The following BDH1 variants were observed in gnomAD, a reference collection of about 807,000 sequenced individuals.
BDH1 encodes D-beta-hydroxybutyrate dehydrogenase, mitochondrial.
A neutral mutation model predicts 33.1 loss-of-function variants in BDH1; 30 were observed. The observed-to-expected ratio is 0.91, with a 90% CI of 0.68 to 1.23. The LOEUF (loss-of-function observed/expected upper bound fraction) is 1.23. Among genes scored for constraint, BDH1 ranks in the 50% most tolerant of loss-of-function variants. The pLI is 0.00. For missense variants in BDH1, 443 were observed against 464.4 expected (o/e 0.95, Z 0.42); for synonymous variants, 190 against 183.6 (o/e 1.03, Z -0.28).
intron 2 of BDH1, among the ~76,000 whole-genome samples, chr3:197,552,577 C>A (rs61064344): frequency 0.05 from 7,589 of 152,222 alleles, 619 homozygotes; most frequent in African/African-American, 0.17. Flanking sequence ...AGCAAGCCAG[C>A]TCCTGCTTCA....
chr3:197,515,640 A>G (rs1444119584), intron 6 of BDH1: 2 of 985,514 alleles, frequency 2.0e-6, no homozygotes, highest in Non-Finnish European at 2.4e-6. Flanking sequence ...TGTTAGATGA[A>G]TGAGTGTCCA....
intron 7 of BDH1, among the ~76,000 whole-genome samples, chr3:197,512,865 C>T (rs149632639): frequency 9.8e-5 from 15 of 152,296 alleles, no homozygotes; most frequent in Middle Eastern, 3.4e-3. Flanking sequence ...AGTGTCTAGC[C>T]ACTGACAGCA....
chr3:197,541,831 G>C (rs1367034314), intron 3 of BDH1, among the ~76,000 whole-genome samples: 1 of 152,168 alleles, frequency 6.6e-6, no homozygotes, highest in Non-Finnish European at 1.5e-5. Flanking sequence ...ATCCCCAGGG[G>C]GTTCCCCTTT....
At chr3:197,571,967 C>T (rs1162478141) in intron 1 of BDH1, among the ~76,000 whole-genome samples, 3 of 152,084 alleles carry the variant, frequency 2.0e-5, no homozygotes, top group Non-Finnish European at 4.4e-5. Flanking sequence ...ACAGGTAGGC[C>T]TCCATAACAA....
rs928876089 is a variant in BDH1 at position 197,525,554 on chromosome 3, T to C, written c.268-2773A>G. Among the ~76,000 whole-genome samples the C allele has an allele frequency of 3.3e-5, 5 of 152,216 alleles. No homozygotes were observed. Among genetic ancestry groups the C allele is most frequent in the African/African-American group, 1.2e-4 (5 of 41,448 alleles). On this transcript the variant is annotated intron_variant, in intron 5 of 7. Coordinates refer to ENST00000392379, the MANE Select transcript of BDH1 (RefSeq NM_203314.3). The surrounding 1 kb of genome is among the most constrained non-coding windows in gnomAD (Gnocchi z 4.9). ...GAGGAAACTAGGGGATTAATCTCAC[T>C]GCCCACGGCTTCAGGCTCCCGAGGA...
chr3:197,519,922 T>C (rs1190689651), intron 6 of BDH1, among the ~76,000 whole-genome samples: 2 of 152,146 alleles, frequency 1.3e-5, no homozygotes, highest in East Asian at 3.9e-4. Flanking sequence ...CCCCGGGCTT[T>C]GGCAGCAACT....
At position 197,568,864 on chromosome 3, in the gene BDH1, T is replaced by G. The variant is rs572979122; in HGVS notation, c.-44+4317A>C. 1.3e-3 allele frequency among the ~76,000 whole-genome samples: 203 copies of G among 152,354 alleles called. 1 individual carries two copies. The highest frequency in any genetic ancestry group is 4.5e-3 in the African/African-American group (187 of 41,588). ...TGATTGAGTCCTTATAATATCTCACTGATTGTGCTATATTCTTAGAGTGGA... is the reference window on the plus strand; with the variant it reads ...TGATTGAGTCCTTATAATATCTCACGGATTGTGCTATATTCTTAGAGTGGA... On this transcript the variant is annotated intron_variant, in intron 1 of 6. Coordinates refer to the BDH1 transcript ENST00000358186.
intron 2 of BDH1, among the ~76,000 whole-genome samples, chr3:197,553,374 CA>C (rs1333954697): frequency 1.2e-4 from 18 of 150,410 alleles, no homozygotes; most frequent in Admixed American, 2.6e-4. Flanking sequence ...ACTAAAAATA[CA>C]AAAATTAGCT....
rs778162142 is a variant in BDH1 at position 197,549,389 on chromosome 3, T to C, written c.-43-2903A>G. Among the ~76,000 whole-genome samples, 74 of 152,342 alleles carry C rather than the reference T, an allele frequency of 4.9e-4. 1 individual carries two copies. Among genetic ancestry groups the C allele is most frequent in the Non-Finnish European group, 9.3e-4 (63 of 68,026 alleles). On this transcript the variant is annotated intron_variant, in intron 2 of 7. Transcript: ENST00000392379. ...CAGCGTGCGCATCCTTCCTCACTGCTGGGCTCACTGTGTTCCATTCCAACA... is the reference window on the plus strand; with the variant it reads ...CAGCGTGCGCATCCTTCCTCACTGCCGGGCTCACTGTGTTCCATTCCAACA...
chr3:197,571,885 G>T (rs1257944238), intron 1 of BDH1, among the ~76,000 whole-genome samples: 1 of 152,188 alleles, frequency 6.6e-6, no homozygotes, highest in African/African-American at 2.4e-5. Flanking sequence ...CAAACAGCAA[G>T]ACCTTGTTTC....
In BDH1 at chr3:197,512,384, T is replaced by C; in HGVS notation, c.563-20A>G. The C allele has an allele frequency of 6.3e-7, 1 of 1,588,878 alleles. No individual in the cohort carries two copies. The highest frequency in any genetic ancestry group is 8.5e-7 in the Non-Finnish European group (1 of 1,171,652). ...CGCGGCCTACAGAGGGAGACAGAGG[T>C]ACCTGCTAAGCCGTTACTGCCCTAT... On this transcript the variant is annotated intron_variant, in intron 7 of 7. Coordinates refer to ENST00000392379, the MANE Select transcript of BDH1 (RefSeq NM_203314.3).
intron 1 of BDH1, among the ~76,000 whole-genome samples, chr3:197,571,475 G>C (rs1323350676): frequency 6.6e-6 from 1 of 152,188 alleles, no homozygotes; most frequent in African/African-American, 2.4e-5. Context: ...TTGTGGAAGG[G>C]ACCCAGTGGG....
At chr3:197,546,831 T>C (rs747178367) in intron 2 of BDH1, among the ~76,000 whole-genome samples, 76 of 152,204 alleles carry the variant, frequency 5.0e-4, no homozygotes, top group Non-Finnish European at 6.6e-4. Context: ...CTCGGGGACC[T>C]AACCCCTCAG....
At chr3:197,532,599 G>A (rs1456483315) in intron 4 of BDH1, 77 bp from the exon 5 acceptor site, 2 of 1,059,008 alleles carry the variant, frequency 1.9e-6, no homozygotes, top group Non-Finnish European at 2.9e-6. Flanking sequence ...CACCCTCTGT[G>A]CAGTGAGAGT....
In BDH1 at chr3:197,525,992, C is replaced by T. The variant is rs550944275; in HGVS notation, c.268-3211G>A. On this transcript the variant is annotated intron_variant, in intron 5 of 7. Transcript: ENST00000392379. This position sits in a 1 kb window ranked among gnomAD's most constrained non-coding sequence, Gnocchi z 4.9. ...AGCTTTTAGTTCCGCTGTGTTGGTG[C>T]GTGTGCAACTGGCTTATTGATAAAC... Among the ~76,000 whole-genome samples, 45 of 152,316 alleles carry T rather than the reference C, an allele frequency of 3.0e-4. No individual in the cohort carries two copies. The highest frequency in any genetic ancestry group is 6.8e-3 in the Middle Eastern group (2 of 292).
At chr3:197,531,821 C>T (rs551346302) in intron 5 of BDH1, among the ~76,000 whole-genome samples, 17 of 152,282 alleles carry the variant, frequency 1.1e-4, no homozygotes, top group Non-Finnish European at 2.1e-4. Context: ...TCTCGGGTCC[C>T]AGTGCTTCCC....
chr3:197,520,242 C>G lies in BDH1; in HGVS notation c.409+2398G>C, dbSNP rs1055725632. Among the ~76,000 whole-genome samples the G allele has an allele frequency of 1.3e-5, 2 of 151,768 alleles. No individual in the cohort carries two copies. The highest frequency in any genetic ancestry group is 4.8e-5 in the African/African-American group (2 of 41,242). The stretch of plus-strand genomic sequence containing the variant: ...GGGGGACACGCCACTGCATATCTGA[C>G]GGATGTACTGTTTTCTTCAGACCTA... On this transcript the variant is annotated intron_variant, in intron 6 of 7. Coordinates refer to ENST00000392379, the MANE Select transcript of BDH1 (RefSeq NM_203314.3). This position sits in a 1 kb window ranked among gnomAD's most constrained non-coding sequence, Gnocchi z 6.0.
rs1299109188 is a variant in BDH1, at chr3:197,523,606, T to C, written c.268-825A>G. 2.6e-5 allele frequency among the ~76,000 whole-genome samples: 4 copies of C among 152,198 alleles called. No individual in the cohort carries two copies. The highest frequency in any genetic ancestry group is 2.0e-4 in the Admixed American group (3 of 15,282). On this transcript the variant is annotated intron_variant, in intron 5 of 7. Transcript: ENST00000392379. The surrounding 1 kb of genome is among the most constrained non-coding windows in gnomAD (Gnocchi z 4.5). ...AAACATTTCTTGGGCCCCTATCGTG[T>C]TCCGGCACTGTGCTAGGAACTGGAG...
In BDH1 at chr3:197,525,518, G is replaced by C. The variant is rs1311725111; in HGVS notation, c.268-2737C>G. Among the ~76,000 whole-genome samples the C allele has an allele frequency of 6.6e-6, 1 of 152,198 alleles. No individual in the cohort carries two copies. The highest frequency in any genetic ancestry group is 1.5e-5 in the Non-Finnish European group (1 of 68,028). ...TAATTTGGCAGTTTGACAGTGAAGAGTCTTCTTTCAGAGGAAACTAGGGGA... is the reference window on the plus strand; with the variant it reads ...TAATTTGGCAGTTTGACAGTGAAGACTCTTCTTTCAGAGGAAACTAGGGGA... On this transcript the variant is annotated intron_variant, in intron 5 of 7. Transcript: ENST00000392379. This position sits in a 1 kb window ranked among gnomAD's most constrained non-coding sequence, Gnocchi z 4.9.
Sources: allele counts gnomAD v4.1 joint callset (sites outside exome capture counted in the v4.1 genomes callset), GRCh38; gene constraint gnomAD v4.1.1; non-coding constraint Gnocchi (gnomAD v3.1); transcripts MANE v1.5; gene names NCBI Gene and HGNC (gene_info 2026-07-23, HGNC 2026-07-21).